Variants in AK5 observed in about 807,000 individuals in gnomAD.
The protein encoded by AK5 is adenylate kinase isoenzyme 5.
In AK5, 27 loss-of-function variants were observed where a neutral mutation model predicts 69.5. The ratio of observed to expected loss-of-function variants is 0.39; its 90% confidence interval spans 0.29 to 0.54. The LOEUF is 0.54. Among genes scored for constraint, AK5 ranks in the 20% least tolerant of loss-of-function variants. The pLI is 0.71. For missense variants in AK5, 531 were observed against 700.4 expected (o/e 0.76, Z 2.73); for synonymous variants, 260 against 244.4 (o/e 1.06, Z -0.60).
At chr1:77,480,407 A>G (rs905201131) in intron 8 of AK5, among the ~76,000 whole-genome samples, 3 of 152,202 alleles carry the variant, frequency 2.0e-5, no homozygotes, top group Non-Finnish European at 4.4e-5. Flanking sequence ...AAGGCTGTGA[A>G]TAATAGCTGT....
chr1:77,403,389 CGT>C (rs1206643880), intron 6 of AK5, among the ~76,000 whole-genome samples: 1 of 132,372 alleles, frequency 7.6e-6, no homozygotes, highest in Non-Finnish European at 1.6e-5. Context: ...TGTCCTGAAT[CGT>C]ATTGCCTAGG....
intron 6 of AK5, among the ~76,000 whole-genome samples, chr1:77,358,046 A>G (rs1662639948): frequency 6.6e-6 from 1 of 150,902 alleles, no homozygotes; most frequent in African/African-American, 2.4e-5. Flanking sequence ...AGAGACAGAG[A>G]GATCAAGCGT....
chr1:77,476,170 T>G (rs1654925938), intron 8 of AK5, among the ~76,000 whole-genome samples: 1 of 152,160 alleles, frequency 6.6e-6, no homozygotes, highest in Non-Finnish European at 1.5e-5. Context: ...TACAAGTACT[T>G]TACAGCAAGC....
chr1:77,516,942 G>A (rs553005214), intron 10 of AK5, among the ~76,000 whole-genome samples: 5 of 151,930 alleles, frequency 3.3e-5, no homozygotes, highest in East Asian at 1.9e-4. Context: ...ATGGTGGTGC[G>A]CACCTGTAAT....
At chr1:77,509,634 A>C (rs1657228783) in intron 10 of AK5, among the ~76,000 whole-genome samples, 1 of 152,236 alleles carries the variant, frequency 6.6e-6, no homozygotes, top group Non-Finnish European at 1.5e-5. Flanking sequence ...ACAGGCAGAA[A>C]TATGATAGAT....
chr1:77,509,134 G>A (rs917555732), intron 10 of AK5, among the ~76,000 whole-genome samples: 9 of 152,010 alleles, frequency 5.9e-5, no homozygotes, highest in African/African-American at 2.2e-4. Flanking sequence ...GTACAGGGTT[G>A]CCTCTGTGAA....
intron 10 of AK5, among the ~76,000 whole-genome samples, chr1:77,509,940 A>C (rs879579351): frequency 2.0e-5 from 3 of 152,216 alleles, no homozygotes; most frequent in African/African-American, 7.2e-5. Context: ...ATTCACATGC[A>C]TTATTTTGTC....
intron 2 of AK5, among the ~76,000 whole-genome samples, chr1:77,290,911 G>A (rs905626674): frequency 6.6e-6 from 1 of 152,172 alleles, no homozygotes; most frequent in East Asian, 1.9e-4. Context: ...ATAAGCAGGA[G>A]CACAATGGCA....
At chr1:77,534,528 G>A (rs556329488) in intron 12 of AK5, among the ~76,000 whole-genome samples, 33 of 152,312 alleles carry the variant, frequency 2.2e-4, no homozygotes, top group African/African-American at 1.2e-4. Context: ...ATGCCAAGGA[G>A]CATACGTATG....
chr1:77,554,771 ATT>A (rs1230738530), intron 13 of AK5, among the ~76,000 whole-genome samples: 8 of 119,682 alleles, frequency 6.7e-5, no homozygotes, highest in African/African-American at 1.6e-4. Flanking sequence ...ATGCCCGGCT[ATT>A]TTTTTTTTTT....
intron 8 of AK5, among the ~76,000 whole-genome samples, chr1:77,451,277 A>G (rs1296698780): frequency 6.6e-6 from 1 of 152,254 alleles, no homozygotes; most frequent in Non-Finnish European, 1.5e-5. Context: ...CATTGACATT[A>G]TGAAGCATTT....
intron 8 of AK5, among the ~76,000 whole-genome samples, chr1:77,475,317 G>T (rs1654795355): frequency 7.2e-6 from 1 of 138,272 alleles, no homozygotes. Flanking sequence ...GGGGCAGAAT[G>T]TAAACAAGCT....
Position 77,417,727 on chromosome 1 carries a change from C to G in AK5, c.1059+12C>G. On this transcript the variant is annotated intron_variant, in intron 8 of 13. Transcript: ENST00000354567. Reference sequence around the variant, plus strand: ...ATTATGAAGATCAGGTAATTAAAATCTGAAAATAGTTCTCTATTTAAATGT... The same window carrying G: ...ATTATGAAGATCAGGTAATTAAAATGTGAAAATAGTTCTCTATTTAAATGT... 1.3e-6 allele frequency: 2 copies of G among 1,511,584 alleles called. No individual in the cohort carries two copies. Among genetic ancestry groups the G allele is most frequent in the South Asian group, 2.3e-5 (2 of 85,960 alleles). The allele number at this position is 1,511,584 out of a possible 1,614,324, so 93.6% of individuals were successfully genotyped here. A position where few individuals can be genotyped will look rare whatever the true frequency, so the allele number is the denominator to read the frequency against.
At chr1:77,305,874 G>A (rs540545057) in intron 5 of AK5, among the ~76,000 whole-genome samples, 1 of 151,582 alleles carries the variant, frequency 6.6e-6, no homozygotes, top group Non-Finnish European at 1.5e-5. Context: ...TTCTATTTCT[G>A]TGAAGAATGT....
intron 12 of AK5, among the ~76,000 whole-genome samples, chr1:77,529,308 C>T (rs1013399): frequency 0.69 from 104,056 of 150,792 alleles, 36,415 homozygotes; most frequent in Admixed American, 0.76. Flanking sequence ...TCCTACTTAA[C>T]AGGTGTTAGG....
chr1:77,330,345 A>G (rs935998326), intron 5 of AK5, among the ~76,000 whole-genome samples: 1 of 152,212 alleles, frequency 6.6e-6, no homozygotes, highest in Non-Finnish European at 1.5e-5. Flanking sequence ...CTTATGTATT[A>G]TCTTCTAGAC....
intron 10 of AK5, among the ~76,000 whole-genome samples, chr1:77,503,704 C>G (rs61778703): frequency 0.03 from 4,635 of 152,136 alleles, 66 homozygotes; most frequent in Middle Eastern, 0.078. Context: ...GAGTTCGAGA[C>G]CAGCCTAGCC....
At chr1:77,471,596 A>G (rs1311262207) in intron 8 of AK5, among the ~76,000 whole-genome samples, 1 of 152,192 alleles carries the variant, frequency 6.6e-6, no homozygotes, top group Non-Finnish European at 1.5e-5. Context: ...ATGGAGTTTC[A>G]TCTAGAAACC....
chr1:77,288,565 G>A lies in AK5; in HGVS notation c.247+1438G>A, dbSNP rs544302612. 8.6e-5 allele frequency among the ~76,000 whole-genome samples: 13 copies of A among 152,000 alleles called. No individual in the cohort carries two copies. In the South Asian group the frequency reaches 1.7e-3, roughly 19 times the overall value. On this transcript the variant is annotated intron_variant, in intron 2 of 13. Coordinates refer to ENST00000354567, the MANE Select transcript of AK5 (RefSeq NM_174858.3). ...AAAGCCATAGTGTGCTAATTTTCAA[G>A]GAACACAAGCAAAAGAAGGCAAACA...
Sources: gnomAD v4.1 joint callset for allele counts (sites outside exome capture counted in the v4.1 genomes callset) on GRCh38, gnomAD v4.1.1 for gene constraint, MANE v1.5 for transcripts, NCBI Gene and HGNC (gene_info 2026-07-23, HGNC 2026-07-21) for gene names.